The following KDM2A variants were observed in gnomAD, a reference collection of about 807,000 sequenced individuals.
KDM2A encodes lysine-specific demethylase 2A.
Under a neutral mutation model 137.3 loss-of-function variants are expected in KDM2A, and 3 were observed. The ratio of observed to expected loss-of-function variants is 0.02; its 90% CI spans 0.01 to 0.06. The LOEUF (loss-of-function observed/expected upper bound fraction) is 0.06. Among genes scored for constraint, KDM2A ranks in the 10% least tolerant of loss-of-function variants. The pLI, the probability that KDM2A is intolerant of heterozygous loss-of-function variation, is 1.00. For synonymous variants in KDM2A, 512 were observed against 541.5 expected, an observed-to-expected ratio of 0.95 and a Z score of 0.76; for missense variants, 738 against 1,510.6, an observed-to-expected ratio of 0.49 and a Z score of 8.48.
chr11:67,202,699 C>G (rs1355422022), intron 5 of KDM2A, among the ~76,000 whole-genome samples: 1 of 152,106 alleles, frequency 6.6e-6, no homozygotes, highest in Non-Finnish European at 1.5e-5. Context: ...TGGCGTGAAC[C>G]CAGGAGGCGG....
intron 2 of KDM2A, among the ~76,000 whole-genome samples, chr11:67,124,294 G>C (rs576693771): frequency 6.6e-6 from 1 of 151,548 alleles, no homozygotes; most frequent in African/African-American, 2.4e-5. Flanking sequence ...GTGAGCCACC[G>C]TGCCCGGCTT....
At chr11:67,187,698 C>T (rs940713613) in intron 5 of KDM2A, among the ~76,000 whole-genome samples, 1 of 152,040 alleles carries the variant, frequency 6.6e-6, no homozygotes, top group African/African-American at 2.4e-5. Flanking sequence ...CTCAGCCTCC[C>T]AAGTAGCTGG....
intron 9 of KDM2A, 78 bp from the exon 10 acceptor site, chr11:67,219,210 G>A (rs1858260967): frequency 3.6e-6 from 2 of 551,016 alleles, no homozygotes; most frequent in East Asian, 6.7e-5. Flanking sequence ...GTGATCTAGG[G>A]GTCTTGTACT....
chr11:67,147,511 C>A (rs1372465625), intron 2 of KDM2A, among the ~76,000 whole-genome samples: 1 of 150,486 alleles, frequency 6.6e-6, no homozygotes, highest in African/African-American at 2.4e-5. Flanking sequence ...CACTGCACTC[C>A]AGCCTGGGCG....
Position 67,257,892 on chromosome 11 carries a change from C to A in KDM2A, c.*2837C>A, listed in dbSNP as rs1432211846. ...CTTTGTTTTGTTTTCCAAAAGTTCT[C>A]CACTATTGGTTTTAGAGAGAGCAAG... On this transcript the variant is annotated 3_prime_UTR_variant, in exon 21 of 21. Coordinates refer to ENST00000529006, the MANE Select transcript of KDM2A (RefSeq NM_012308.3). 5 of 152,056 alleles carry A rather than the reference C, an allele frequency of 3.3e-5. No individual in the cohort carries two copies. Among genetic ancestry groups the A allele is most frequent in the African/African-American group, 1.2e-4 (5 of 41,394 alleles). 9.4% of individuals were successfully genotyped at this position (152,056 alleles called of 1,614,324 possible). A position where few individuals can be genotyped will look rare whatever the true frequency, so the allele number is the denominator to read the frequency against.
chr11:67,145,621 G>A (rs936914638), intron 2 of KDM2A, among the ~76,000 whole-genome samples: 2 of 151,814 alleles, frequency 1.3e-5, no homozygotes, highest in Non-Finnish European at 2.9e-5. Context: ...CTACTAAGCA[G>A]TAGAACAAAG....
In KDM2A at chr11:67,257,328, TG is replaced by T. The variant is rs1482040434; in HGVS notation, c.*2275del. The T allele has an allele frequency of 6.6e-6, 1 of 152,636 alleles. No individual in the cohort carries two copies. The highest frequency in any genetic ancestry group is 1.9e-4 in the East Asian group (1 of 5,200). 9.5% of individuals were successfully genotyped at this position (152,636 alleles called of 1,614,324 possible). ...AAGGGAGCCCAGAAAAGGCAGCAGA[TG>T]GACCATGCCCTTGCTGGGTTTTCCT... On this transcript the variant is annotated 3_prime_UTR_variant, in exon 21 of 21. Coordinates refer to ENST00000529006, the MANE Select transcript of KDM2A (RefSeq NM_012308.3).
intron 2 of KDM2A, among the ~76,000 whole-genome samples, chr11:67,176,786 TAAAAGGCA>T (rs1856979896): frequency 6.6e-6 from 1 of 152,030 alleles, no homozygotes; most frequent in Non-Finnish European, 1.5e-5. Flanking sequence ...AAATATGGTA[TAAAAGGCA>T]AAAAAAATGG....
intron 5 of KDM2A, among the ~76,000 whole-genome samples, chr11:67,185,488 G>A (rs1857181575): frequency 6.6e-6 from 1 of 151,974 alleles, no homozygotes; most frequent in South Asian, 2.1e-4. Context: ...ACTTAACTGG[G>A]CATGGTGGTG....
At chr11:67,227,011 C>G (rs1022157834) in intron 10 of KDM2A, among the ~76,000 whole-genome samples, 1 of 152,144 alleles carries the variant, frequency 6.6e-6, no homozygotes, top group Non-Finnish European at 1.5e-5. Flanking sequence ...CATTGGTCTT[C>G]CTCACTGATT....
At chr11:67,151,968 C>T (rs763178286) in intron 2 of KDM2A, among the ~76,000 whole-genome samples, 1 of 151,992 alleles carries the variant, frequency 6.6e-6, no homozygotes, top group Non-Finnish European at 1.5e-5. Context: ...CCTGAAATGG[C>T]ATTATTGATT....
intron 2 of KDM2A, among the ~76,000 whole-genome samples, chr11:67,136,294 G>A (rs1200576089): frequency 2.6e-5 from 4 of 152,174 alleles, no homozygotes; most frequent in African/African-American, 9.7e-5. Context: ...ATCCAGTTAA[G>A]GGACAGAGCC....
intron 2 of KDM2A, among the ~76,000 whole-genome samples, chr11:67,151,216 C>T (rs1856378802): frequency 6.6e-6 from 1 of 152,132 alleles, no homozygotes; most frequent in Admixed American, 6.5e-5. Context: ...AGCTTTGGTT[C>T]TGCTGCTGCT....
chr11:67,158,138 T>C lies in KDM2A; in HGVS notation c.43-21941T>C, dbSNP rs146259060. Among the ~76,000 whole-genome samples the C allele has an allele frequency of 3.4e-3, 514 of 151,572 alleles. 2 individuals are homozygous for C. The highest frequency in any genetic ancestry group is 5.9e-3 in the Non-Finnish European group (399 of 68,016). On this transcript the variant is annotated intron_variant, in intron 2 of 20. Coordinates refer to ENST00000529006, the MANE Select transcript of KDM2A (RefSeq NM_012308.3). ...TCCCCCATACACCAGCAACTACGGA[T>C]CTTTTTGCTGTCTGTAGTTTTGCCC... is the stretch of plus-strand genomic sequence containing the variant.
At chr11:67,196,405 G>T (rs1374605346) in intron 5 of KDM2A, 1 of 455,926 alleles carries the variant, frequency 2.2e-6, no homozygotes, top group African/African-American at 2.0e-5. Context: ...CTCTTGCATA[G>T]CTGGGACTGC....
At chr11:67,133,273 GT>G (rs1189424897) in intron 2 of KDM2A, among the ~76,000 whole-genome samples, 2 of 150,400 alleles carry the variant, frequency 1.3e-5, no homozygotes, top group East Asian at 2.0e-4. Flanking sequence ...CTAATTTTGT[GT>G]TTTTTTTTGT....
chr11:67,121,373 C>A lies in KDM2A; in HGVS notation c.42+15C>A, dbSNP rs769498245. On this transcript the variant is annotated intron_variant, in intron 2 of 20. Transcript: ENST00000529006. ...GCCAGAGATTGGTTAGTATTTTCTC[C>A]CCCCACCACACCCTCCAGTTTTAAA... 13 of 1,610,538 alleles carry A rather than the reference C, an allele frequency of 8.1e-6. No homozygotes were observed. The Admixed American group carries it at 8.3e-5, about 10-fold the overall frequency.
intron 5 of KDM2A, among the ~76,000 whole-genome samples, chr11:67,201,058 G>A (rs985232546): frequency 1.3e-5 from 2 of 151,904 alleles, no homozygotes; most frequent in African/African-American, 4.8e-5. Flanking sequence ...GCCGGGCGTG[G>A]TGGCGGGCGC....
intron 2 of KDM2A, among the ~76,000 whole-genome samples, chr11:67,123,994 G>GT (rs772655949): frequency 7.9e-5 from 12 of 151,378 alleles, no homozygotes; most frequent in Non-Finnish European, 8.9e-5. Flanking sequence ...TTTTGTTGTT[G>GT]TTGTTTGTTT....
Sources: allele counts gnomAD v4.1 joint callset (sites outside exome capture counted in the v4.1 genomes callset), GRCh38; gene constraint gnomAD v4.1.1; transcripts MANE v1.5; gene names NCBI Gene and HGNC (gene_info 2026-07-23, HGNC 2026-07-21).